The following CCDC15 variants were observed in gnomAD, a reference collection of about 807,000 sequenced individuals.
CCDC15 encodes the protein coiled-coil domain containing 15, also known as coiled-coil domain-containing protein 15.
A neutral mutation model predicts 114.5 loss-of-function variants in CCDC15; 105 were observed. The ratio of observed to expected loss-of-function variants is 0.92; its 90% CI spans 0.78 to 1.08. The LOEUF (loss-of-function observed/expected upper bound fraction) is 1.08. Among genes scored for constraint, CCDC15 ranks in the 50% least tolerant of loss-of-function variants. CCDC15 has a pLI of 0.00. For synonymous variants in CCDC15, 334 were observed against 377.8 expected, an observed-to-expected ratio of 0.88 and a Z score of 1.34; for missense variants, 1,105 against 1,093.6, an observed-to-expected ratio of 1.01 and a Z score of -0.15.
In CCDC15 at chr11:124,988,114, G is replaced by T; in HGVS notation, c.1888G>T (p.Asp630Tyr). 1 of 1,611,200 alleles carries T rather than the reference G, an allele frequency of 6.2e-7. No individual in the cohort carries two copies. Residue 630 changes from aspartate to tyrosine, a missense_variant, in exon 8 of 16, where the codon GAT becomes TAT. Asp to Tyr is a radical substitution (Grantham distance 160). Coordinates refer to ENST00000344762, the MANE Select transcript of CCDC15 (RefSeq NM_025004.3). ...TATTCTACCCAAATGTCAGGACCAA[G>T]ATTTTCTACCAAAATATCAGGTAAA... Reference protein sequence around the residue: ...QNILPKCQDQDFLPKYQKVHF... With the variant: ...QNILPKCQDQYFLPKYQKVHF...
chr11:124,965,258 AT>A (rs957557813), intron 4 of CCDC15, among the ~76,000 whole-genome samples: 1 of 152,168 alleles, frequency 6.6e-6, no homozygotes, highest in Non-Finnish European at 1.5e-5. Flanking sequence ...TTGGCTGTGA[AT>A]CCATCTGGTC....
In CCDC15 at chr11:124,987,961, A is replaced by G. The variant is rs766015052; in HGVS notation, c.1735A>G (p.Ile579Val). ...VLPKDQNILP[I>V]CQDQDFLPRD... ...TCCCAAAGACCAAAATATTCTACCC[A>G]TATGTCAGGACCAGGATTTTCTACC... The change falls in exon 8 of 16, where the codon ATA (isoleucine) becomes GTA (valine). Residue 579 changes from isoleucine to valine, a missense_variant. Ile to Val is a conservative substitution (Grantham distance 29). Coordinates refer to ENST00000344762, the MANE Select transcript of CCDC15 (RefSeq NM_025004.3). 11 of 1,613,824 alleles carry G rather than the reference A, an allele frequency of 6.8e-6. No individual in the cohort carries two copies. Among genetic ancestry groups the G allele is most frequent in the Middle Eastern group, 1.6e-4 (1 of 6,084 alleles).
intron 13 of CCDC15, among the ~76,000 whole-genome samples, chr11:125,023,527 A>G (rs1231680477): frequency 6.6e-6 from 1 of 152,064 alleles, no homozygotes. Context: ...ACAAGTGGCT[A>G]ATAAGCACAT....
At chr11:124,993,659 C>T (rs1016732731) in intron 11 of CCDC15, among the ~76,000 whole-genome samples, 2 of 152,150 alleles carry the variant, frequency 1.3e-5, no homozygotes, top group Non-Finnish European at 2.9e-5. Context: ...ATCCAAGATC[C>T]AGGCTCTGCC....
chr11:125,027,976 A>G (rs149345029), intron 13 of CCDC15, among the ~76,000 whole-genome samples: 461 of 152,182 alleles, frequency 3.0e-3, no homozygotes, highest in Non-Finnish European at 5.1e-3. Flanking sequence ...TTCCAACGCA[A>G]TTTACTGAAC....
chr11:124,972,324 A>G (rs1947899414), intron 4 of CCDC15, among the ~76,000 whole-genome samples: 1 of 152,200 alleles, frequency 6.6e-6, no homozygotes, highest in Non-Finnish European at 1.5e-5. Flanking sequence ...CATACAACAC[A>G]TGCACATATG....
intron 9 of CCDC15, among the ~76,000 whole-genome samples, chr11:124,992,006 T>G (rs572485028): frequency 3.9e-4 from 60 of 152,332 alleles, no homozygotes; most frequent in Non-Finnish European, 4.0e-4. Context: ...TTTTTATTCC[T>G]TCCCACATTA....
intron 3 of CCDC15, 117 bp from the exon 4 acceptor site, chr11:124,959,698 A>G (rs1386257901): frequency 1.6e-5 from 11 of 698,020 alleles, no homozygotes; most frequent in Non-Finnish European, 2.5e-5. Flanking sequence ...CTGCCAGCTA[A>G]AGCCTCTCCC....
chr11:124,980,492 A>G (rs1173266588), intron 6 of CCDC15, among the ~76,000 whole-genome samples: 1 of 152,090 alleles, frequency 6.6e-6, no homozygotes, highest in Admixed American at 6.6e-5. Flanking sequence ...TCCTGGTTCA[A>G]TCTTGGGAGG....
rs58570895 is a variant in CCDC15, at chr11:125,009,054, A to T, written c.2411+3842A>T. On this transcript the variant is annotated intron_variant, in intron 13 of 15. Coordinates refer to ENST00000344762, the MANE Select transcript of CCDC15 (RefSeq NM_025004.3). The stretch of plus-strand genomic sequence containing the variant: ...ACCAACGTGGAGTAACCCCGTCTCT[A>T]CTAAAAATACAAAACTAGCTGGGCA... Among the ~76,000 whole-genome samples the T allele has an allele frequency of 1.4e-4, 22 of 152,148 alleles. No homozygotes were observed. The East Asian group carries it at 3.7e-3, about 26-fold the overall frequency.
chr11:125,033,567 A>T (rs1948755927), intron 13 of CCDC15, among the ~76,000 whole-genome samples: 3 of 152,208 alleles, frequency 2.0e-5, no homozygotes, highest in Admixed American at 6.5e-5. Context: ...TTGGTTAAGG[A>T]TATATCTTCT....
At chr11:125,004,110 A>C (rs1403018805) in intron 12 of CCDC15, among the ~76,000 whole-genome samples, 151 bp downstream of exon 12, 1 of 152,028 alleles carries the variant, frequency 6.6e-6, no homozygotes, top group African/African-American at 2.4e-5. Flanking sequence ...GACTCATTAT[A>C]ATGTGTTGAA....
chr11:124,991,937 T>G (rs1372851298), intron 9 of CCDC15, among the ~76,000 whole-genome samples: 1 of 152,092 alleles, frequency 6.6e-6, no homozygotes. Context: ...GCCCGCCTCT[T>G]CCTCCCAAAG....
chr11:125,017,015 G>T (rs1048061908), intron 13 of CCDC15, among the ~76,000 whole-genome samples: 1 of 152,072 alleles, frequency 6.6e-6, no homozygotes, highest in Non-Finnish European at 1.5e-5. Context: ...AATTAATTTT[G>T]CCTTTTACTT....
At chr11:125,013,479 A>T (rs1948609280) in intron 13 of CCDC15, among the ~76,000 whole-genome samples, 1 of 152,218 alleles carries the variant, frequency 6.6e-6, no homozygotes, top group Non-Finnish European at 1.5e-5. Context: ...GGCAGAGTCC[A>T]GTTAAGAAGT....
chr11:124,994,347 A>G (rs1181346620), intron 11 of CCDC15, among the ~76,000 whole-genome samples: 1 of 152,226 alleles, frequency 6.6e-6, no homozygotes, highest in Admixed American at 6.5e-5. Flanking sequence ...GGGAGTGGTC[A>G]GGCTGATCAA....
chr11:125,039,692 A>T (rs1348493565), intron 15 of CCDC15: 1 of 152,210 alleles, frequency 6.6e-6, no homozygotes, highest in Non-Finnish European at 1.5e-5. Flanking sequence ...CAAGTTTCTT[A>T]TCAGCTTTAT....
chr11:125,005,464 C>T (rs759392193), intron 13 of CCDC15, among the ~76,000 whole-genome samples: 2 of 152,046 alleles, frequency 1.3e-5, no homozygotes, highest in African/African-American at 2.4e-5. Flanking sequence ...AGAGAGTATA[C>T]CCTCTGCCCC....
chr11:124,992,544 C>T (rs182572979), intron 9 of CCDC15, 36 bp from the exon 10 acceptor site: 3 of 1,277,238 alleles, frequency 2.3e-6, no homozygotes, highest in Admixed American at 2.1e-5. Flanking sequence ...AATTTTTTTT[C>T]TGTTGTTGTT....
Sources: gnomAD v4.1 joint callset for allele counts (sites outside exome capture counted in the v4.1 genomes callset) on GRCh38, gnomAD v4.1.1 for gene constraint, MANE v1.5 for transcripts, NCBI Gene and HGNC (gene_info 2026-07-23, HGNC 2026-07-21) for gene names.